SAMD12: variants seen among roughly 807,000 people sequenced by gnomAD.
SAMD12 encodes sterile alpha motif domain containing 12, also known as sterile alpha motif domain-containing protein 12.
A neutral mutation model predicts 15.0 loss-of-function variants in SAMD12; 9 were observed. The ratio of observed to expected loss-of-function variants is 0.60; its 90% CI spans 0.36 to 1.05. The LOEUF (loss-of-function observed/expected upper bound fraction) is 1.05, where lower values mean the gene tolerates loss of function less well. Ranked by LOEUF, SAMD12 falls within the 50% of genes least tolerant of loss-of-function variation. The pLI is 0.01. For synonymous variants in SAMD12, 86 were observed against 90.1 expected, an observed-to-expected ratio of 0.96 and a Z score of 0.25; for missense variants, 230 against 234.2, an observed-to-expected ratio of 0.98 and a Z score of 0.12.
At chr8:118,186,787 GA>G (rs1156936600), downstream of SAMD12, among the ~76,000 whole-genome samples, 1 of 152,166 alleles carries the variant, frequency 6.6e-6, no homozygotes, top group African/African-American at 2.4e-5. Flanking sequence ...AAGTTATATG[GA>G]AAAGGGTTGA....
chr8:118,288,001 C>T (rs1405982826), intron 4 of SAMD12, among the ~76,000 whole-genome samples: 1 of 152,064 alleles, frequency 6.6e-6, no homozygotes, highest in East Asian at 1.9e-4. Context: ...TACAAACTTG[C>T]CATTGGAAAA....
intron 4 of SAMD12, among the ~76,000 whole-genome samples, chr8:118,292,453 AT>A (rs1328452277): frequency 6.6e-6 from 1 of 152,006 alleles, no homozygotes; most frequent in East Asian, 1.9e-4. Flanking sequence ...AGCTACCTCT[AT>A]TTAGTTCTAC....
At position 118,240,437 on chromosome 8, in the gene SAMD12, T is replaced by C. The variant is rs187950762; in HGVS notation, c.434-42705A>G. Among the ~76,000 whole-genome samples the C allele has an allele frequency of 4.4e-3, 666 of 152,266 alleles. 1 individual carries two copies. The highest frequency in any genetic ancestry group is 7.6e-3 in the Non-Finnish European group (518 of 68,002). On this transcript the variant is annotated intron_variant, in intron 4 of 4. Transcript: ENST00000409003. ...AGAATACAGAAATTCATTTTTGGAGTCAGACAGTTCTGGATTTGCATTCTG... is the reference window on the plus strand; with the variant it reads ...AGAATACAGAAATTCATTTTTGGAGCCAGACAGTTCTGGATTTGCATTCTG...
At chr8:118,217,676 G>C (rs939528663) in intron 4 of SAMD12, among the ~76,000 whole-genome samples, 1 of 41,630 alleles carries the variant, frequency 2.4e-5, no homozygotes, top group Non-Finnish European at 1.0e-4. Flanking sequence ...AAGGAGAAAG[G>C]GTATTTTAGA....
Position 118,463,265 on chromosome 8 carries a change from G to T in SAMD12, c.193-23304C>A, listed in dbSNP as rs371147001. 2.4e-4 allele frequency among the ~76,000 whole-genome samples: 36 copies of T among 152,308 alleles called. No individual in the cohort carries two copies. The East Asian group carries it at 6.8e-3, about 29-fold the overall frequency. On this transcript the variant is annotated intron_variant, in intron 2 of 3. Coordinates refer to ENST00000314727, the MANE Select transcript of SAMD12 (RefSeq NM_207506.3). Reference sequence around the variant, plus strand: ...TCGTTGGGGTGGGGCTGACCCAGCAGTAGGGAATGGGGAGAAGTCCAGGCA... The same window carrying T: ...TCGTTGGGGTGGGGCTGACCCAGCATTAGGGAATGGGGAGAAGTCCAGGCA...
chr8:118,211,698 A>G (rs1811830014), intron 4 of SAMD12, among the ~76,000 whole-genome samples: 3 of 151,494 alleles, frequency 2.0e-5, no homozygotes, highest in African/African-American at 7.3e-5. Flanking sequence ...TTTTTTCTTA[A>G]TTTTCTATTC....
chr8:118,183,084 C>T, the SAMD12 span, among the ~76,000 whole-genome samples: 3 of 152,200 alleles, frequency 2.0e-5, no homozygotes, highest in South Asian at 2.1e-4. Flanking sequence ...TTACCTACAT[C>T]CTTTCCTGGG....
At chr8:118,137,304 CTGAAG>C in the SAMD12 span, among the ~76,000 whole-genome samples, 1 of 152,176 alleles carries the variant, frequency 6.6e-6, no homozygotes, top group East Asian at 1.9e-4. Context: ...CAGTCAGAGG[CTGAAG>C]TGAAGTTACA....
At chr8:118,440,685 C>A (rs111610108) in intron 2 of SAMD12, among the ~76,000 whole-genome samples, 1 of 148,198 alleles carries the variant, frequency 6.7e-6, no homozygotes, top group African/African-American at 2.6e-5. Context: ...CACACACACA[C>A]ACACACACAC....
At chr8:118,618,381 T>G (rs376200616) in intron 1 of SAMD12, among the ~76,000 whole-genome samples, 1 of 152,180 alleles carries the variant, frequency 6.6e-6, no homozygotes, top group African/African-American at 2.4e-5. Context: ...CCTTCTAATT[T>G]GTTACTAATT....
At chr8:118,418,479 G>T (rs1821826891) in intron 3 of SAMD12, among the ~76,000 whole-genome samples, 1 of 152,188 alleles carries the variant, frequency 6.6e-6, no homozygotes, top group Non-Finnish European at 1.5e-5. Context: ...ACTTTGGGAG[G>T]CCGAGGCGGG....
intron 3 of SAMD12, among the ~76,000 whole-genome samples, chr8:118,438,987 C>G (rs1822656304): frequency 6.6e-6 from 1 of 152,120 alleles, no homozygotes; most frequent in African/African-American, 2.4e-5. Flanking sequence ...CACATACAAG[C>G]AGGATCTTAG....
At chr8:118,431,509 T>A (rs1011178047) in intron 3 of SAMD12, among the ~76,000 whole-genome samples, 1 of 152,178 alleles carries the variant, frequency 6.6e-6, no homozygotes, top group South Asian at 2.1e-4. Flanking sequence ...TTTTATTGGA[T>A]ATAGAATTGG....
At chr8:118,578,332 C>T (rs541976493) in intron 2 of SAMD12, among the ~76,000 whole-genome samples, 2 of 152,286 alleles carry the variant, frequency 1.3e-5, no homozygotes, top group South Asian at 4.1e-4. Context: ...CATCTTTGCA[C>T]ATATGAATGA....
At chr8:118,467,327 T>C (rs74943017) in intron 2 of SAMD12, among the ~76,000 whole-genome samples, 5,042 of 152,290 alleles carry the variant, frequency 0.033, 282 homozygotes, top group African/African-American at 0.11. Flanking sequence ...ATGGGAACAA[T>C]TGTGCTATCT....
At chr8:118,261,172 A>G (rs1166780220) in intron 4 of SAMD12, among the ~76,000 whole-genome samples, 2 of 152,088 alleles carry the variant, frequency 1.3e-5, no homozygotes, top group African/African-American at 4.8e-5. Flanking sequence ...GTAGTGAATT[A>G]TTATTATTTT....
chr8:118,416,569 G>C (rs1245128508), intron 3 of SAMD12, among the ~76,000 whole-genome samples: 2 of 152,156 alleles, frequency 1.3e-5, no homozygotes, highest in Non-Finnish European at 2.9e-5. Flanking sequence ...ATTCCAGATA[G>C]AAGGAATTGT....
intron 2 of SAMD12, among the ~76,000 whole-genome samples, chr8:118,451,864 C>G (rs1167156536): frequency 1.3e-5 from 2 of 152,172 alleles, no homozygotes; most frequent in African/African-American, 2.4e-5. Flanking sequence ...AACAATTTAT[C>G]TATCTGTTAA....
intron 4 of SAMD12, among the ~76,000 whole-genome samples, chr8:118,213,395 C>A (rs2129828110): frequency 6.6e-6 from 1 of 152,294 alleles, no homozygotes; most frequent in African/African-American, 2.4e-5. Context: ...GCAACATGGA[C>A]AGGCCCACAT....
Sources: gnomAD v4.1 joint callset for allele counts (sites outside exome capture counted in the v4.1 genomes callset) on GRCh38, gnomAD v4.1.1 for gene constraint, MANE v1.5 for transcripts, NCBI Gene and HGNC (gene_info 2026-07-23, HGNC 2026-07-21) for gene names.